MBD5: variants seen among roughly 807,000 people sequenced by gnomAD.
The protein encoded by MBD5 is methyl-CpG-binding domain protein 5.
Under a neutral mutation model 117.3 loss-of-function variants are expected in MBD5, and 13 were observed. That is an observed-to-expected ratio of 0.11 (90% CI 0.07 to 0.18). MBD5 has a LOEUF of 0.18. MBD5 is among the 10% of genes least tolerant of loss of function. MBD5 has a pLI of 1.00. For synonymous variants in MBD5, 727 were observed against 766.4 expected (o/e 0.95, Z 0.85); for missense variants, 1,879 against 2,093.8 (o/e 0.90, Z 2.00).
At chr2:148,272,478 A>G (rs1344350744) in intron 3 of MBD5, among the ~76,000 whole-genome samples, 1 of 152,150 alleles carries the variant, frequency 6.6e-6, no homozygotes, top group Non-Finnish European at 1.5e-5. Context: ...TAGCTATTCT[A>G]ACAAGTGTGT....
chr2:148,033,293 G>C (rs1403474900), intron 1 of MBD5, among the ~76,000 whole-genome samples: 1 of 152,158 alleles, frequency 6.6e-6, no homozygotes, highest in East Asian at 1.9e-4. Context: ...TATATTGAGA[G>C]TGATTTCATA....
At chr2:148,142,757 C>T (rs1697349485) in intron 1 of MBD5, among the ~76,000 whole-genome samples, 1 of 152,010 alleles carries the variant, frequency 6.6e-6, no homozygotes, top group South Asian at 2.1e-4. Context: ...AAGGAGCTCT[C>T]CAGGAAACTA....
intron 3 of MBD5, among the ~76,000 whole-genome samples, chr2:148,253,038 A>G (rs998047374): frequency 5.3e-5 from 8 of 152,066 alleles, no homozygotes; most frequent in Non-Finnish European, 7.4e-5. Flanking sequence ...TTAATCTCCT[A>G]TTATGAGGAG....
intron 1 of MBD5, chr2:148,071,235 C>T (rs945505316): frequency 6.6e-6 from 1 of 150,700 alleles, no homozygotes; most frequent in Non-Finnish European, 1.5e-5. Flanking sequence ...ATCACTAATA[C>T]GGGCCTTTTT....
chr2:148,321,275 A>G (rs1702275350), intron 3 of MBD5, among the ~76,000 whole-genome samples: 1 of 152,190 alleles, frequency 6.6e-6, no homozygotes. Context: ...GGCCACACAT[A>G]AAATACACTA....
At chr2:148,242,641 C>T (rs1700240379) in intron 3 of MBD5, among the ~76,000 whole-genome samples, 1 of 151,988 alleles carries the variant, frequency 6.6e-6, no homozygotes. Flanking sequence ...AGAAACCAGG[C>T]CCAGTGAAAT....
intron 7 of MBD5, among the ~76,000 whole-genome samples, chr2:148,465,658 G>A (rs547282510): frequency 1.2e-4 from 19 of 152,200 alleles, no homozygotes; most frequent in Admixed American, 3.3e-4. Context: ...CATAATAAGG[G>A]ATGTTGTAGA....
intron 3 of MBD5, among the ~76,000 whole-genome samples, chr2:148,340,941 A>G (rs1474758856): frequency 3.3e-5 from 5 of 151,738 alleles, no homozygotes; most frequent in Non-Finnish European, 7.4e-5. Flanking sequence ...TAACACCTCT[A>G]TTAGTTAGAT....
intron 4 of MBD5, among the ~76,000 whole-genome samples, chr2:148,448,851 C>G (rs1028645231): frequency 6.6e-6 from 1 of 151,914 alleles, no homozygotes; most frequent in African/African-American, 2.4e-5. Context: ...AGTAGTAATG[C>G]ACAGATAAGA....
At chr2:148,203,178 A>G (rs1254668434) in intron 2 of MBD5, among the ~76,000 whole-genome samples, 2 of 152,158 alleles carry the variant, frequency 1.3e-5, no homozygotes, top group African/African-American at 4.8e-5. Flanking sequence ...TGATTAGGAA[A>G]GTTCACAAAT....
At chr2:148,042,444 C>G (rs1694388216) in intron 1 of MBD5, among the ~76,000 whole-genome samples, 1 of 151,000 alleles carries the variant, frequency 6.6e-6, no homozygotes, top group Admixed American at 6.6e-5. Context: ...GAACTGAAAA[C>G]AAGAGGCCAA....
At chr2:148,133,177 A>T (rs529339448) in intron 1 of MBD5, among the ~76,000 whole-genome samples, 1 of 152,302 alleles carries the variant, frequency 6.6e-6, no homozygotes, top group South Asian at 2.1e-4. Flanking sequence ...GAAGCCAAAA[A>T]ATCTATCTGC....
intron 4 of MBD5, among the ~76,000 whole-genome samples, chr2:148,382,557 A>G (rs1189750430): frequency 1.3e-5 from 2 of 151,960 alleles, no homozygotes; most frequent in African/African-American, 2.4e-5. Flanking sequence ...GAGACAGAAA[A>G]TTAACAAGGA....
At chr2:148,277,127 T>G (rs545445200) in intron 3 of MBD5, among the ~76,000 whole-genome samples, 1 of 152,276 alleles carries the variant, frequency 6.6e-6, no homozygotes, top group African/African-American at 2.4e-5. Flanking sequence ...ATGCAAAGTT[T>G]GCAATCTGGT....
At chr2:148,051,365 A>G (rs903244212) in intron 1 of MBD5, among the ~76,000 whole-genome samples, 4 of 151,686 alleles carry the variant, frequency 2.6e-5, no homozygotes, top group Non-Finnish European at 5.9e-5. Context: ...TGCAAATAGA[A>G]ATAGTTTTAC....
At chr2:148,227,038 A>G (rs1175104679) in intron 2 of MBD5, among the ~76,000 whole-genome samples, 4 of 152,128 alleles carry the variant, frequency 2.6e-5, no homozygotes, top group African/African-American at 7.2e-5. Context: ...AGTAGGTTGC[A>G]AAAATTTTCT....
chr2:148,381,588 A>T (rs1271879377), intron 4 of MBD5, among the ~76,000 whole-genome samples: 1 of 152,176 alleles, frequency 6.6e-6, no homozygotes, highest in African/African-American at 2.4e-5. Flanking sequence ...CCAACATTCA[A>T]ATTCAGGAAA....
At chr2:148,084,684 A>G (rs2105183367) in intron 1 of MBD5, among the ~76,000 whole-genome samples, 1 of 152,198 alleles carries the variant, frequency 6.6e-6, no homozygotes, top group Non-Finnish European at 1.5e-5. Context: ...TTCTTTTTTT[A>G]AAACTTTTCT....
At chr2:148,440,154 A>G (rs1475393978) in intron 4 of MBD5, among the ~76,000 whole-genome samples, 1 of 152,228 alleles carries the variant, frequency 6.6e-6, no homozygotes, top group South Asian at 2.1e-4. Context: ...TCATTCAACA[A>G]TGGAGACTAC....
Sources: allele counts gnomAD v4.1 joint callset (sites outside exome capture counted in the v4.1 genomes callset), GRCh38; gene constraint gnomAD v4.1.1; transcripts MANE v1.5; gene names NCBI Gene and HGNC (gene_info 2026-07-23, HGNC 2026-07-21).